Variants in TRPC7 observed in about 807,000 individuals in gnomAD.
The protein encoded by TRPC7 is short transient receptor potential channel 7.
In TRPC7, 42 loss-of-function variants were observed where a neutral mutation model predicts 90.1. The ratio of observed to expected loss-of-function variants is 0.47; its 90% CI spans 0.36 to 0.60. The LOEUF is 0.60. Ranked by LOEUF, TRPC7 falls within the 20% of genes least tolerant of loss-of-function variation. The pLI is 0.00. For synonymous variants in TRPC7, 451 were observed against 436.3 expected (o/e 1.03, Z -0.42); for missense variants, 955 against 1,112.3 (o/e 0.86, Z 2.01).
At chr5:136,284,437 C>T (rs779027553) in intron 3 of TRPC7, among the ~76,000 whole-genome samples, 2 of 152,164 alleles carry the variant, frequency 1.3e-5, no homozygotes, top group Non-Finnish European at 2.9e-5. Context: ...TGTTCATATT[C>T]TTTAGAAGTA....
intron 2 of TRPC7, among the ~76,000 whole-genome samples, chr5:136,335,071 G>T (rs1274706927): frequency 1.3e-5 from 2 of 152,214 alleles, no homozygotes; most frequent in Non-Finnish European, 2.9e-5. Context: ...TTTATCCAAT[G>T]AATTACTGGA....
chr5:136,335,859 A>C (rs1307063186), intron 2 of TRPC7, among the ~76,000 whole-genome samples: 2 of 139,818 alleles, frequency 1.4e-5, no homozygotes, highest in African/African-American at 5.4e-5. Flanking sequence ...AGCCAAGATC[A>C]CGCCACTGCA....
At chr5:136,349,654 T>C (rs919494734) in intron 2 of TRPC7, among the ~76,000 whole-genome samples, 2 of 152,248 alleles carry the variant, frequency 1.3e-5, no homozygotes, top group Admixed American at 1.3e-4. Context: ...CAGGATTTTC[T>C]GGAGGTTAAA....
chr5:136,338,903 A>ACTT (rs1301039528), intron 2 of TRPC7, among the ~76,000 whole-genome samples: 4 of 152,006 alleles, frequency 2.6e-5, no homozygotes, highest in South Asian at 4.2e-4. Context: ...ATCATCCAAA[A>ACTT]CTTGAAAAAA....
intron 8 of TRPC7, among the ~76,000 whole-genome samples, chr5:136,230,531 C>T (rs1755781434): frequency 6.6e-6 from 1 of 152,160 alleles, no homozygotes; most frequent in South Asian, 2.1e-4. Context: ...GGTCTTTCCC[C>T]ATCAGCATAT....
chr5:136,269,336 CT>C (rs1220789439), intron 4 of TRPC7, among the ~76,000 whole-genome samples: 1 of 152,216 alleles, frequency 6.6e-6, no homozygotes, highest in Non-Finnish European at 1.5e-5. Flanking sequence ...AAGAGTGCCC[CT>C]GAATTGGCTC....
chr5:136,333,585 C>G (rs1477187588), intron 2 of TRPC7, among the ~76,000 whole-genome samples: 1 of 152,138 alleles, frequency 6.6e-6, no homozygotes, highest in Non-Finnish European at 1.5e-5. Context: ...ATGTGGAGGA[C>G]AGCTTCAGTG....
chr5:136,365,225 A>G (rs1017444962), intron 1 of TRPC7, 28 bp downstream of exon 1: 17 of 1,536,868 alleles, frequency 1.1e-5, no homozygotes, highest in Non-Finnish European at 1.4e-5. Flanking sequence ...AAAAAAATCA[A>G]TATGAAAGAA....
At chr5:136,239,828 C>T (rs1465343130) in intron 7 of TRPC7, among the ~76,000 whole-genome samples, 1 of 152,290 alleles carries the variant, frequency 6.6e-6, no homozygotes, top group African/African-American at 2.4e-5. Context: ...GTAAACATGC[C>T]CTCATTCCTG....
At chr5:136,290,894 A>T (rs188379914) in intron 3 of TRPC7, among the ~76,000 whole-genome samples, 2 of 152,236 alleles carry the variant, frequency 1.3e-5, no homozygotes, top group African/African-American at 4.8e-5. Context: ...CCAGAGAGAA[A>T]GGTTGAGTTA....
intron 2 of TRPC7, among the ~76,000 whole-genome samples, chr5:136,338,595 T>C (rs1759742467): frequency 6.6e-6 from 1 of 152,264 alleles, no homozygotes; most frequent in Admixed American, 6.5e-5. Context: ...TGTTTGAGCC[T>C]GTGACCTTTA....
At chr5:136,217,202 C>A (rs748788900) in intron 10 of TRPC7, among the ~76,000 whole-genome samples, 1 of 152,224 alleles carries the variant, frequency 6.6e-6, no homozygotes, top group African/African-American at 2.4e-5. Flanking sequence ...GGCCTTCTGA[C>A]CTGCTCACAC....
intron 2 of TRPC7, among the ~76,000 whole-genome samples, chr5:136,345,070 A>G (rs1759962840): frequency 1.3e-5 from 2 of 152,314 alleles, no homozygotes; most frequent in South Asian, 4.1e-4. Flanking sequence ...TTTTTGATAG[A>G]TACATACTTA....
chr5:136,331,537 C>T (rs1759500909), intron 2 of TRPC7, among the ~76,000 whole-genome samples: 1 of 152,152 alleles, frequency 6.6e-6, no homozygotes, highest in African/African-American at 2.4e-5. Flanking sequence ...CCTTTACATC[C>T]AGCTTCATAG....
At chr5:136,323,624 C>G (rs1479396498) in intron 2 of TRPC7, among the ~76,000 whole-genome samples, 1 of 152,184 alleles carries the variant, frequency 6.6e-6, no homozygotes, top group Non-Finnish European at 1.5e-5. Flanking sequence ...TTTTGCACAT[C>G]TGTCAAAAAT....
chr5:136,275,465 C>T (rs1757336303), intron 3 of TRPC7, among the ~76,000 whole-genome samples: 1 of 152,070 alleles, frequency 6.6e-6, no homozygotes, highest in African/African-American at 2.4e-5. Context: ...TGTTAAAACT[C>T]CTCAATATTT....
intron 5 of TRPC7, among the ~76,000 whole-genome samples, 156 bp from the exon 6 acceptor site, chr5:136,252,038 G>A (rs1034681208): frequency 1.3e-5 from 2 of 152,214 alleles, no homozygotes; most frequent in Non-Finnish European, 2.9e-5. Context: ...TGTTTTCAAA[G>A]GCAGATTTAG....
chr5:136,274,629 A>G (rs780579360), intron 4 of TRPC7, 44 bp downstream of exon 4: 1 of 1,535,094 alleles, frequency 6.5e-7, no homozygotes, highest in Non-Finnish European at 8.8e-7. Flanking sequence ...CTAAGAAGAG[A>G]GAAGAAATAA....
At chr5:136,256,632 C>A (rs1241875675) in intron 5 of TRPC7, among the ~76,000 whole-genome samples, 1 of 152,090 alleles carries the variant, frequency 6.6e-6, no homozygotes, top group Non-Finnish European at 1.5e-5. Flanking sequence ...GATGTCAGAT[C>A]CATCTTGCTC....
Sources: gnomAD v4.1 joint callset for allele counts (sites outside exome capture counted in the v4.1 genomes callset) on GRCh38, gnomAD v4.1.1 for gene constraint, MANE v1.5 for transcripts, NCBI Gene and HGNC (gene_info 2026-07-23, HGNC 2026-07-21) for gene names.